Variants in PPP2R3A observed in about 807,000 individuals in gnomAD.
PPP2R3A encodes the protein protein phosphatase 2 regulatory subunit B''alpha.
In PPP2R3A, 80 loss-of-function variants were observed where a neutral mutation model predicts 106.9. The ratio of observed to expected loss-of-function variants is 0.75; its 90% CI spans 0.62 to 0.90. The LOEUF is 0.90. Ranked by LOEUF, PPP2R3A falls within the 40% of genes least tolerant of loss-of-function variation. The probability of loss-of-function intolerance (pLI) is 0.00; values close to 1 mark genes in which losing one functional copy is unlikely to be tolerated. For synonymous variants in PPP2R3A, 483 were observed against 468.3 expected (o/e 1.03, Z -0.41); for missense variants, 1,386 against 1,350.4 (o/e 1.03, Z -0.41).
chr3:136,140,456 A>C (rs1397159490), intron 13 of PPP2R3A, among the ~76,000 whole-genome samples: 2 of 150,740 alleles, frequency 1.3e-5, no homozygotes, highest in Non-Finnish European at 3.0e-5. Context: ...AAAAAAAAAA[A>C]AAAAAAAACC....
chr3:136,129,182 A>C (rs1003836677), intron 13 of PPP2R3A, among the ~76,000 whole-genome samples: 2 of 149,526 alleles, frequency 1.3e-5, no homozygotes, highest in African/African-American at 4.9e-5. Context: ...GCAGAACTGA[A>C]AGAGATAGAG....
chr3:136,090,777 G>A (rs1937076531), intron 10 of PPP2R3A, 110 bp downstream of exon 10: 1 of 778,708 alleles, frequency 1.3e-6, no homozygotes, highest in East Asian at 2.7e-5. Flanking sequence ...GCAATACTAA[G>A]ATGAATTAGA....
At chr3:135,989,766 T>C (rs529461646) in intron 1 of PPP2R3A, among the ~76,000 whole-genome samples, 2 of 152,262 alleles carry the variant, frequency 1.3e-5, no homozygotes, top group East Asian at 3.9e-4. Context: ...ACTGTGCTCA[T>C]ACAATATCTA....
At chr3:136,135,369 A>G (rs1326295390) in intron 13 of PPP2R3A, among the ~76,000 whole-genome samples, 6 of 152,146 alleles carry the variant, frequency 3.9e-5, no homozygotes, top group Admixed American at 1.3e-4. Flanking sequence ...GGAAAGGAAA[A>G]AGCCCGTTTA....
chr3:135,968,602 ACT>A (rs1312448372), intron 1 of PPP2R3A, among the ~76,000 whole-genome samples: 1 of 152,026 alleles, frequency 6.6e-6, no homozygotes, highest in Admixed American at 6.6e-5. Context: ...TCAGTCCAAC[ACT>A]CTCATCAGAA....
At chr3:136,056,924 T>C (rs1278849096) in intron 5 of PPP2R3A, among the ~76,000 whole-genome samples, 1 of 151,992 alleles carries the variant, frequency 6.6e-6, no homozygotes, top group Non-Finnish European at 1.5e-5. Flanking sequence ...GCAACAGGTA[T>C]ATGAAAAAAT....
chr3:136,139,996 ACT>A (rs1436423907), intron 13 of PPP2R3A, among the ~76,000 whole-genome samples: 7 of 140,300 alleles, frequency 5.0e-5, no homozygotes, highest in Non-Finnish European at 9.2e-5. Flanking sequence ...ACAGAGCGAG[ACT>A]CTGTCTCAAA....
At chr3:136,071,594 C>T (rs1419990066) in intron 6 of PPP2R3A, among the ~76,000 whole-genome samples, 1 of 152,192 alleles carries the variant, frequency 6.6e-6, no homozygotes, top group Non-Finnish European at 1.5e-5. Flanking sequence ...CCTGTTACCA[C>T]TCTAATTGCC....
intron 2 of PPP2R3A, among the ~76,000 whole-genome samples, chr3:136,011,483 T>C (rs1418914313): frequency 6.6e-6 from 1 of 152,150 alleles, no homozygotes; most frequent in Non-Finnish European, 1.5e-5. Context: ...CCTTATCCTT[T>C]TGTAAGAAGA....
At chr3:136,065,040 G>T (rs916353696) in intron 5 of PPP2R3A, among the ~76,000 whole-genome samples, 2 of 152,042 alleles carry the variant, frequency 1.3e-5, no homozygotes, top group Non-Finnish European at 2.9e-5. Flanking sequence ...AATAAGGATG[G>T]GTTGATATTA....
intron 1 of PPP2R3A, among the ~76,000 whole-genome samples, chr3:135,972,342 G>A (rs1937274668): frequency 6.6e-6 from 1 of 152,160 alleles, no homozygotes; most frequent in South Asian, 2.1e-4. Flanking sequence ...TCCATTGTAT[G>A]GATATACTAC....
rs1576455096 is a variant in PPP2R3A, at chr3:136,040,878, A to G, written c.2282A>G (p.Tyr761Cys). The G allele has an allele frequency of 1.2e-6, 2 of 1,612,932 alleles. No homozygotes were observed. The highest frequency in any genetic ancestry group is 1.7e-6 in the Non-Finnish European group (2 of 1,179,542). ...KIAKVCGCPL[Y>C]WKAPMFRAAG... ...TTGCAGGTCTGTGGCTGTCCTCTCT[A>G]TTGGAAAGCCCCCATGTTCAGGGCT... Residue 761 changes from tyrosine to cysteine, a missense_variant, in exon 4 of 14, where the codon TAT becomes TGT. Physicochemically the swap from Tyr to Cys is radical, Grantham distance 194 (BLOSUM62 -2). Coordinates refer to ENST00000264977, the MANE Select transcript of PPP2R3A (RefSeq NM_002718.5).
intron 1 of PPP2R3A, among the ~76,000 whole-genome samples, chr3:135,986,479 C>G (rs982860919): frequency 8.5e-5 from 13 of 152,128 alleles, no homozygotes; most frequent in African/African-American, 2.7e-4. Flanking sequence ...ATCATATCCT[C>G]AAGTGGACCC....
At chr3:136,096,200 A>G (rs1937212114) in intron 10 of PPP2R3A, among the ~76,000 whole-genome samples, 1 of 152,216 alleles carries the variant, frequency 6.6e-6, no homozygotes, top group South Asian at 2.1e-4. Context: ...AAAAAATTCT[A>G]AGTCAAACCA....
intron 1 of PPP2R3A, among the ~76,000 whole-genome samples, chr3:135,989,280 G>A (rs1008873002): frequency 1.3e-5 from 2 of 152,100 alleles, no homozygotes; most frequent in South Asian, 2.1e-4. Context: ...CTAGCATCTC[G>A]TGAGAAAGGC....
At position 135,999,881 on chromosome 3, in the gene PPP2R3A, C is replaced by G. The variant is rs565408372; in HGVS notation, c.-440-1178C>G. On this transcript the variant is annotated intron_variant, in intron 1 of 13. Transcript: ENST00000264977. The stretch of plus-strand genomic sequence containing the variant: ...CTCTGCCTCCCGGGTTCAAGACATT[C>G]TCCTGCCTCAGCCTCCCGAGTAGCT... Among the ~76,000 whole-genome samples, 11 of 152,282 alleles carry G rather than the reference C, an allele frequency of 7.2e-5. No homozygotes were observed. The South Asian group carries it at 2.3e-3, about 32-fold the overall frequency.
rs564785330 is a variant in PPP2R3A, at chr3:136,030,863, TTTG to T, written c.2262+3769_2262+3771del. On this transcript the variant is annotated intron_variant, in intron 3 of 13. Transcript: ENST00000264977. ...ACACACACATGCCCCAGTTTATCCA[TTTG>T]TTGATTGATGGGCATTGGGTTGGTT... Among the ~76,000 whole-genome samples the T allele has an allele frequency of 1.4e-4, 21 of 151,414 alleles. No individual in the cohort carries two copies. In the South Asian group the frequency reaches 2.5e-3, roughly 18 times the overall value.
intron 9 of PPP2R3A, among the ~76,000 whole-genome samples, chr3:136,090,330 C>T (rs1937064218): frequency 6.6e-6 from 1 of 152,094 alleles, no homozygotes; most frequent in Non-Finnish European, 1.5e-5. Flanking sequence ...AGCATTTTAT[C>T]CCAGTGATTA....
chr3:136,108,728 G>A (rs925812851), intron 13 of PPP2R3A, among the ~76,000 whole-genome samples: 6 of 151,646 alleles, frequency 4.0e-5, no homozygotes, highest in Admixed American at 1.3e-4. Flanking sequence ...AAAAATTCAA[G>A]TCACCAGACA....
Sources: allele counts gnomAD v4.1 joint callset (sites outside exome capture counted in the v4.1 genomes callset), GRCh38; gene constraint gnomAD v4.1.1; transcripts MANE v1.5; gene names NCBI Gene and HGNC (gene_info 2026-07-23, HGNC 2026-07-21).